Variants in STXBP6 observed in about 807,000 individuals in gnomAD.
STXBP6 encodes syntaxin binding protein 6.
STXBP6 carries 21 observed loss-of-function variants against 26.9 expected under a neutral mutation model. The ratio of observed to expected loss-of-function variants is 0.78; its 90% CI spans 0.55 to 1.12. The LOEUF (loss-of-function observed/expected upper bound fraction) is 1.12. STXBP6 is among the 50% of genes most tolerant of loss of function. The pLI is 0.00. For missense variants in STXBP6, 232 were observed against 257.9 expected (o/e 0.90, Z 0.69); for synonymous variants, 97 against 92.6 (o/e 1.05, Z -0.27).
chr14:24,906,555 T>C (rs1234767563), intron 2 of STXBP6, among the ~76,000 whole-genome samples: 1 of 152,212 alleles, frequency 6.6e-6, no homozygotes, highest in Non-Finnish European at 1.5e-5. Flanking sequence ...ACTGTTATTT[T>C]TAAACTCATT....
chr14:24,944,044 C>A (rs1452426455), intron 2 of STXBP6, among the ~76,000 whole-genome samples: 1 of 152,112 alleles, frequency 6.6e-6, no homozygotes, highest in Non-Finnish European at 1.5e-5. Context: ...TTTTTGTCCT[C>A]ACCTTTCTCC....
At chr14:24,974,471 A>G (rs889060200) in intron 2 of STXBP6, among the ~76,000 whole-genome samples, 194 bp downstream of exon 2, 2 of 152,224 alleles carry the variant, frequency 1.3e-5, no homozygotes, top group African/African-American at 4.8e-5. Flanking sequence ...ATTGAACTTC[A>G]CTACCTTTCC....
At chr14:24,960,932 G>T (rs1383027106) in intron 2 of STXBP6, among the ~76,000 whole-genome samples, 1 of 152,190 alleles carries the variant, frequency 6.6e-6, no homozygotes, top group African/African-American at 2.4e-5. Flanking sequence ...GGAAAGATCT[G>T]AACATGTTCT....
chr14:24,878,479 A>G (rs2070228740), intron 2 of STXBP6, among the ~76,000 whole-genome samples: 1 of 152,080 alleles, frequency 6.6e-6, no homozygotes, highest in South Asian at 2.1e-4. Flanking sequence ...CTGATTTGAG[A>G]TACTAATTTT....
At chr14:25,028,557 G>C (rs1268988909) in intron 1 of STXBP6, among the ~76,000 whole-genome samples, 2 of 151,732 alleles carry the variant, frequency 1.3e-5, no homozygotes, top group African/African-American at 4.9e-5. Flanking sequence ...CAATGTACCT[G>C]GTCATCCAAG....
chr14:24,902,187 T>G (rs542384128), intron 2 of STXBP6, among the ~76,000 whole-genome samples: 1 of 152,284 alleles, frequency 6.6e-6, no homozygotes, highest in East Asian at 1.9e-4. Context: ...GCTACAAGAA[T>G]AGTCATCATA....
At chr14:24,857,347 T>C (rs1197025444) in intron 2 of STXBP6, among the ~76,000 whole-genome samples, 190 bp from the exon 3 acceptor site, 1 of 152,074 alleles carries the variant, frequency 6.6e-6, no homozygotes, top group African/African-American at 2.4e-5. Context: ...AAATAGATGT[T>C]ACAATCTCCA....
At chr14:24,977,480 G>A (rs538562392) in intron 1 of STXBP6, among the ~76,000 whole-genome samples, 2 of 152,090 alleles carry the variant, frequency 1.3e-5, no homozygotes, top group African/African-American at 4.8e-5. Flanking sequence ...ACAAGTTTTA[G>A]AATCAAACAA....
chr14:24,814,629 A>G (rs1183188614), intron 5 of STXBP6, among the ~76,000 whole-genome samples: 2 of 152,228 alleles, frequency 1.3e-5, no homozygotes, highest in Non-Finnish European at 2.9e-5. Context: ...AAATACAGTT[A>G]AGACTGGACA....
intron 4 of STXBP6, among the ~76,000 whole-genome samples, chr14:24,833,529 G>A (rs72682908): frequency 7.1e-4 from 108 of 152,302 alleles, no homozygotes; most frequent in Non-Finnish European, 1.2e-3. Flanking sequence ...AATGGCTAGT[G>A]AACTGATAAA....
intron 2 of STXBP6, among the ~76,000 whole-genome samples, chr14:24,950,979 G>A (rs752121216): frequency 2.0e-4 from 30 of 151,970 alleles, no homozygotes; most frequent in Non-Finnish European, 3.8e-4. Flanking sequence ...TTATGAGTGA[G>A]AGCATGCGGT....
intron 1 of STXBP6, among the ~76,000 whole-genome samples, chr14:24,999,880 G>C (rs565759417): frequency 6.6e-6 from 1 of 152,250 alleles, no homozygotes; most frequent in Admixed American, 6.5e-5. Flanking sequence ...ATCCTAGCAG[G>C]AAGAATAGTG....
At chr14:24,906,391 T>A (rs74040706) in intron 2 of STXBP6, among the ~76,000 whole-genome samples, 1,953 of 152,266 alleles carry the variant, frequency 0.013, 43 homozygotes, top group African/African-American at 0.045. Context: ...TAATTTTTTA[T>A]ATAGTTCAAT....
intron 1 of STXBP6, among the ~76,000 whole-genome samples, chr14:25,004,376 T>C (rs901329271): frequency 2.0e-5 from 3 of 152,228 alleles, no homozygotes; most frequent in African/African-American, 7.2e-5. Flanking sequence ...CTCAATCAAC[T>C]TTCTCTAGAC....
chr14:24,883,584 G>A (rs537369365), intron 2 of STXBP6, among the ~76,000 whole-genome samples: 18 of 152,142 alleles, frequency 1.2e-4, no homozygotes, highest in Non-Finnish European at 2.2e-4. Context: ...ATCTAGATAC[G>A]GAAACCCCTT....
At chr14:24,896,709 A>G (rs2071002830) in intron 2 of STXBP6, among the ~76,000 whole-genome samples, 1 of 152,130 alleles carries the variant, frequency 6.6e-6, no homozygotes, top group East Asian at 1.9e-4. Context: ...TGGTAGATCT[A>G]GGAGAACCTC....
chr14:24,892,465 G>A lies in STXBP6; in HGVS notation c.155-35308C>T, dbSNP rs1007369511. Among the ~76,000 whole-genome samples, 22 of 152,124 alleles carry A rather than the reference G, an allele frequency of 1.4e-4. 1 individual carries two copies. The highest frequency in any genetic ancestry group is 1.0e-3 in the South Asian group (5 of 4,824). ...GATGTTTCTATATTCTTCAAGGGGG[G>A]AAATAATTCTGAGGAGGAAGAAATC... On this transcript the variant is annotated intron_variant, in intron 2 of 5. Transcript: ENST00000323944.
intron 2 of STXBP6, among the ~76,000 whole-genome samples, chr14:24,919,797 G>A (rs979719550): frequency 6.6e-6 from 1 of 152,002 alleles, no homozygotes; most frequent in African/African-American, 2.4e-5. Context: ...TGTACTTAAG[G>A]ATGGTGTGGG....
chr14:24,940,762 T>C (rs2072772777), intron 2 of STXBP6, among the ~76,000 whole-genome samples: 1 of 152,176 alleles, frequency 6.6e-6, no homozygotes, highest in South Asian at 2.1e-4. Flanking sequence ...ACGCCTGTAA[T>C]CCCAGCACTT....
Sources: gnomAD v4.1 joint callset for allele counts (sites outside exome capture counted in the v4.1 genomes callset) on GRCh38, gnomAD v4.1.1 for gene constraint, MANE v1.5 for transcripts, NCBI Gene and HGNC (gene_info 2026-07-23, HGNC 2026-07-21) for gene names.